GALC: variants seen among roughly 807,000 people sequenced by gnomAD.
GALC encodes the protein galactosylceramidase, also known as galactocerebrosidase.
GALC carries 77 observed loss-of-function variants against 91.8 expected under a neutral mutation model. The observed-to-expected ratio is 0.84, with a 90% CI of 0.70 to 1.01. The LOEUF is 1.01. Ranked by LOEUF, GALC falls within the 50% of genes least tolerant of loss-of-function variation. GALC has a pLI of 0.00. For missense variants in GALC, 882 were observed against 855.9 expected (o/e 1.03, Z -0.38); for synonymous variants, 357 against 306.7 (o/e 1.16, Z -1.71).
intron 13 of GALC, among the ~76,000 whole-genome samples, chr14:87,946,434 T>G (rs964333461): frequency 6.6e-6 from 1 of 152,052 alleles, no homozygotes; most frequent in African/African-American, 2.4e-5. Context: ...CTTTTCCAAG[T>G]GTTTTTGCAT....
chr14:87,937,988 A>AT (rs1319266381), intron 16 of GALC, among the ~76,000 whole-genome samples: 1 of 151,888 alleles, frequency 6.6e-6, no homozygotes, highest in Non-Finnish European at 1.5e-5. Context: ...TACCAGCACC[A>AT]TTTTTCAAGT....
chr14:87,955,623 T>C (rs1885502571), intron 10 of GALC, among the ~76,000 whole-genome samples: 1 of 152,108 alleles, frequency 6.6e-6, no homozygotes, highest in South Asian at 2.1e-4. Context: ...ATTACAACTA[T>C]ACATGATAAT....
rs957322683 is a variant in GALC, at chr14:87,934,104, C to T, written c.*628G>A. On this transcript the variant is annotated 3_prime_UTR_variant, in exon 17 of 17. Transcript: ENST00000261304. ...CCAATTAATCTGCTAATATCTATTA[C>T]TGCAGAAATAGTGTTAGAGGTAGTT... 8.0e-6 allele frequency: 12 copies of T among 1,507,226 alleles called. No individual in the cohort carries two copies. In the African/African-American group the frequency reaches 1.5e-4, roughly 19 times the overall value. The allele number at this position is 1,507,226 out of a possible 1,614,324, so 93.4% of individuals were successfully genotyped here. A position where few individuals can be genotyped will look rare whatever the true frequency, so the allele number is the denominator to read the frequency against.
intron 16 of GALC, among the ~76,000 whole-genome samples, chr14:87,936,916 A>ATATATATATATATATATATATATATATT (rs1431339979): frequency 7.2e-6 from 1 of 139,566 alleles, no homozygotes; most frequent in African/African-American, 2.8e-5. Context: ...ATATATATTT[A>ATATATATATATATATATATATATATATT]TTTATTTTCT....
chr14:87,976,922 T>A (rs1886517745), intron 6 of GALC: 1 of 157,086 alleles, frequency 6.4e-6, no homozygotes, highest in South Asian at 1.8e-4. Flanking sequence ...GCATTACCTT[T>A]AAGATAACCT....
At chr14:87,955,069 A>G (rs1885467696) in intron 10 of GALC, 1 of 1,337,378 alleles carries the variant, frequency 7.5e-7, no homozygotes, top group East Asian at 2.3e-5. Context: ...GTCGGCAGTC[A>G]GCGCAGAACC....
Position 87,982,217 on chromosome 14 carries a change from G to T in GALC, c.609C>A (p.Ala203=). ...AAGTTGTACACACCTTAATATAATT[G>T]GCATTATATGACCTCTCATTCCAAA... The part of the protein sequence containing the change: ...IGIWNERSYN[A]NYIKILRKML... Residue 203 remains alanine (A), a synonymous_variant, in exon 6 of 17, where the codon GCC becomes GCA. Coordinates refer to ENST00000261304, the MANE Select transcript of GALC (RefSeq NM_000153.4). 6.4e-7 allele frequency: 1 copy of T among 1,568,588 alleles called. No homozygotes were observed. Among genetic ancestry groups the T allele is most frequent in the South Asian group, 1.1e-5 (1 of 89,696 alleles).
intron 6 of GALC, among the ~76,000 whole-genome samples, chr14:87,979,686 G>C (rs1886657315): frequency 6.6e-6 from 1 of 152,162 alleles, no homozygotes; most frequent in African/African-American, 2.4e-5. Flanking sequence ...GACCACAAGA[G>C]AGACATGTGT....
At chr14:87,949,989 T>TGTGA in intron 11 of GALC, 58 bp from the exon 12 acceptor site, 2 of 871,284 alleles carry the variant, frequency 2.3e-6, no homozygotes, top group Non-Finnish European at 4.0e-6. Context: ...TCTTTGAGGA[T>TGTGA]TTCCAAAATC....
intron 10 of GALC, among the ~76,000 whole-genome samples, chr14:87,951,038 A>G (rs1885286459): frequency 6.6e-6 from 1 of 151,870 alleles, no homozygotes; most frequent in African/African-American, 2.4e-5. Context: ...TTTTGTTATA[A>G]CTGTTTTCCA....
chr14:87,980,453 T>C, intron 6 of GALC: 7 of 962,460 alleles, frequency 7.3e-6, no homozygotes, highest in Non-Finnish European at 8.6e-6. Flanking sequence ...CCACTCTTCC[T>C]CCATTGTCTA....
chr14:87,985,176 G>T (rs1199700446), intron 4 of GALC, among the ~76,000 whole-genome samples: 1 of 151,980 alleles, frequency 6.6e-6, no homozygotes, highest in African/African-American at 2.4e-5. Flanking sequence ...AATAAGAAGA[G>T]TAGAAAAGTA....
chr14:87,986,471 G>A lies in GALC; in HGVS notation c.442+18C>T, dbSNP rs377575763. 6.9e-7 allele frequency: 1 copy of A among 1,441,524 alleles called. No individual in the cohort carries two copies. Among genetic ancestry groups the A allele is most frequent in the African/African-American group, 1.4e-5 (1 of 71,168 alleles). 89.3% of individuals were successfully genotyped at this position (1,441,524 alleles called of 1,614,324 possible). On this transcript the variant is annotated intron_variant, in intron 4 of 16. Coordinates refer to ENST00000261304, the MANE Select transcript of GALC (RefSeq NM_000153.4). ...AAGGAAAAGAGACTGAAGAAACATTGCAAACTTCATTTCTTACCAATGAGT... is the reference window on the plus strand; with the variant it reads ...AAGGAAAAGAGACTGAAGAAACATTACAAACTTCATTTCTTACCAATGAGT...
intron 7 of GALC, among the ~76,000 whole-genome samples, chr14:87,974,683 G>C (rs1886424025): frequency 6.6e-6 from 1 of 151,662 alleles, no homozygotes; most frequent in East Asian, 1.9e-4. Flanking sequence ...ATATGCTCTT[G>C]AGATAGTCAA....
intron 6 of GALC, among the ~76,000 whole-genome samples, chr14:87,977,448 C>T (rs560921589): frequency 3.6e-4 from 55 of 152,258 alleles, no homozygotes; most frequent in Middle Eastern, 3.4e-3. Context: ...CCAAAACTAA[C>T]AGGGCATACT....
chr14:87,945,621 G>A lies in GALC; in HGVS notation c.1602C>T (p.Leu534=). The part of the protein sequence containing the change: ...GEHHFTLRQV[L]NQRPITWAAD... Reference sequence around the variant, plus strand: ...CAGCCCATGTAATGGGTCTCTGGTTGAGAACTTGGCGTAGCGTGAAGTGAT... The same window carrying A: ...CAGCCCATGTAATGGGTCTCTGGTTAAGAACTTGGCGTAGCGTGAAGTGAT... Residue 534 remains leucine, a synonymous_variant, in exon 14 of 17, where the codon CTC becomes CTT. Coordinates refer to ENST00000261304, the MANE Select transcript of GALC (RefSeq NM_000153.4). 3 of 1,610,242 alleles carry A rather than the reference G, an allele frequency of 1.9e-6. No individual in the cohort carries two copies. In the South Asian group the frequency reaches 3.3e-5, roughly 18 times the overall value.
chr14:87,965,692 A>G, intron 8 of GALC, 63 bp from the exon 9 acceptor site: 1 of 1,549,506 alleles, frequency 6.5e-7, no homozygotes, highest in Non-Finnish European at 8.9e-7. Flanking sequence ...AATGTCTAAA[A>G]ACCTGGAGTA....
intron 10 of GALC, chr14:87,954,479 G>A: frequency 6.3e-7 from 1 of 1,575,916 alleles, no homozygotes; most frequent in Non-Finnish European, 8.7e-7. Flanking sequence ...ATATCTTTTT[G>A]TTCAGCGCAA....
intron 10 of GALC, among the ~76,000 whole-genome samples, chr14:87,955,681 G>T (rs1566981316): frequency 6.6e-6 from 1 of 152,156 alleles, no homozygotes; most frequent in South Asian, 2.1e-4. Context: ...AGACAAGCGT[G>T]TCTTTCTATA....
Sources: gnomAD v4.1 joint callset for allele counts (sites outside exome capture counted in the v4.1 genomes callset) on GRCh38, gnomAD v4.1.1 for gene constraint, MANE v1.5 for transcripts, NCBI Gene and HGNC (gene_info 2026-07-23, HGNC 2026-07-21) for gene names.